The following TPM1 variants were observed in gnomAD, a reference collection of about 807,000 sequenced individuals.
The protein encoded by TPM1 is tropomyosin 1.
Under a neutral mutation model 42.9 loss-of-function variants are expected in TPM1, and 24 were observed. The observed-to-expected ratio is 0.56, with a 90% CI of 0.41 to 0.79. TPM1 has a LOEUF of 0.79. Ranked by LOEUF, TPM1 falls within the 30% of genes least tolerant of loss-of-function variation. The pLI is 0.00. For missense variants in TPM1, 158 were observed against 351.8 expected, an observed-to-expected ratio of 0.45 and a Z score of 4.41; for synonymous variants, 136 against 130.1, an observed-to-expected ratio of 1.05 and a Z score of -0.31.
chr15:63,051,909 T>C (rs2033949201), intron 2 of TPM1, among the ~76,000 whole-genome samples: 1 of 151,128 alleles, frequency 6.6e-6, no homozygotes, highest in Non-Finnish European at 1.5e-5. Context: ...TTTTTTTTTT[T>C]TCAAATCTGA....
intron 1 of TPM1, 26 bp downstream of exon 1, chr15:63,042,969 C>T: frequency 6.4e-7 from 1 of 1,567,082 alleles, no homozygotes. Context: ...GCCCTGCGCC[C>T]GCGCCCAGAG....
chr15:63,061,929 C>T (rs776467874), intron 6 of TPM1, 141 bp downstream of exon 6: 7 of 782,090 alleles, frequency 9.0e-6, no homozygotes, highest in Admixed American at 2.4e-5. Context: ...TACTAGATAA[C>T]AAATTCTTTT....
chr15:63,067,368 C>A (rs1358184935), downstream of TPM1, among the ~76,000 whole-genome samples: 1 of 152,166 alleles, frequency 6.6e-6, no homozygotes, highest in African/African-American at 2.4e-5. Flanking sequence ...TGATTTCATG[C>A]TTTTCTTTTC....
chr15:63,061,125 G>A (rs1007469655), intron 5 of TPM1, 186 bp downstream of exon 5: 33 of 1,502,724 alleles, frequency 2.2e-5, no homozygotes, highest in Middle Eastern at 1.7e-4. Context: ...GTATGAATGC[G>A]TGTATCACTG....
intron 8 of TPM1, 100 bp from the exon 9 acceptor site, chr15:63,063,964 C>T: frequency 6.6e-7 from 1 of 1,522,204 alleles, no homozygotes. Flanking sequence ...CCTTTTCTTG[C>T]TGCTGTGTTG....
intron 2 of TPM1, among the ~76,000 whole-genome samples, chr15:63,052,661 G>A (rs1238954555): frequency 1.3e-5 from 2 of 152,212 alleles, no homozygotes; most frequent in African/African-American, 2.4e-5. Context: ...ATAACAGATG[G>A]TCATGTGTCT....
chr15:63,056,957 T>C lies in TPM1; in HGVS notation c.241-28T>C, dbSNP rs776533150. On this transcript the variant is annotated intron_variant, in intron 2 of 9. Coordinates refer to ENST00000403994, the MANE Select transcript of TPM1 (RefSeq NM_001018005.2). ...CTACCACCCTCACTTTCTCCCCAAC[T>C]CTGAAATGCTTTTCACTCTCTACCT... 2.5e-6 allele frequency: 4 copies of C among 1,613,934 alleles called. No individual in the cohort carries two copies. In the South Asian group the frequency reaches 4.4e-5, roughly 18 times the overall value.
chr15:63,044,141 AAG>A lies in TPM1; in HGVS notation c.230_231del (p.Lys77SerfsTer5). On this transcript the variant is annotated frameshift_variant, in exon 2 of 10. Transcript: ENST00000403994. LOFTEE classifies it high-confidence loss of function. Reference protein sequence around the residue: ...AQEKLELAEKKATDAEADVAS... With the variant: ...AQEKLELAEKXATDAEADVAS... ...GGAGAAGCTGGAGCTGGCAGAGAAA[AAG>A]GCCACCGATGTAAGTGCACGCTCAC... 4 of 1,614,198 alleles carry A rather than the reference AAG, an allele frequency of 2.5e-6. No individual in the cohort carries two copies. Among genetic ancestry groups the A allele is most frequent in the Non-Finnish European group, 3.4e-6 (4 of 1,180,020 alleles).
chr15:63,043,391 A>G (rs572178451), intron 1 of TPM1: 2 of 599,262 alleles, frequency 3.3e-6, no homozygotes, highest in East Asian at 3.7e-5. Flanking sequence ...TTGTTACCTA[A>G]GAACAAAGAT....
At chr15:63,063,912 G>T (rs2035974173) in intron 8 of TPM1, 152 bp from the exon 9 acceptor site, 2 of 1,068,598 alleles carry the variant, frequency 1.9e-6, no homozygotes, top group East Asian at 5.3e-5. Flanking sequence ...CACGCCTCCT[G>T]CATTGGCCAC....
chr15:63,068,170 G>A (rs1049433558), downstream of TPM1, among the ~76,000 whole-genome samples: 1 of 152,190 alleles, frequency 6.6e-6, no homozygotes, highest in Non-Finnish European at 1.5e-5. Flanking sequence ...CATATGTCAC[G>A]TGCAAAACAC....
In TPM1 at chr15:63,062,287, G is replaced by A; in HGVS notation, c.702+10G>A. On this transcript the variant is annotated intron_variant, in intron 7 of 9. Transcript: ENST00000403994. ...CGACAAGCTGAAGGAGGTAATATGA[G>A]AGTTGTGGATGAAGCCAACTGGATT... is the stretch of plus-strand genomic sequence containing the variant. The A allele has an allele frequency of 1.2e-6, 2 of 1,613,728 alleles. No homozygotes were observed. Among genetic ancestry groups the A allele is most frequent in the Admixed American group, 1.7e-5 (1 of 60,026 alleles).
Position 63,052,062 on chromosome 15 carries a change from G to T in TPM1, c.241-4923G>T, listed in dbSNP as rs971983818. 2.6e-5 allele frequency among the ~76,000 whole-genome samples: 4 copies of T among 152,158 alleles called. No homozygotes were observed. In the East Asian group the frequency reaches 7.7e-4, roughly 29 times the overall value. On this transcript the variant is annotated intron_variant, in intron 2 of 9. Coordinates refer to ENST00000403994, the MANE Select transcript of TPM1 (RefSeq NM_001018005.2). ...CACCTCAAGTACAGAGCACCAGGAAGTTACTTAAAAACATCTGCAGGAGGA... is the reference window on the plus strand; with the variant it reads ...CACCTCAAGTACAGAGCACCAGGAATTTACTTAAAAACATCTGCAGGAGGA...
chr15:63,044,547 G>T, intron 2 of TPM1: 1 of 448,980 alleles, frequency 2.2e-6, no homozygotes, highest in Non-Finnish European at 4.0e-6. Context: ...TTTCCAGTGG[G>T]TGGGAAGTTC....
chr15:63,061,374 T>C lies in TPM1; in HGVS notation c.564-339T>C, dbSNP rs1216850924. The C allele has an allele frequency of 4.8e-6, 5 of 1,041,250 alleles. No homozygotes were observed. The African/African-American group carries it at 6.3e-5, about 13-fold the overall frequency. The allele number at this position is 1,041,250 out of a possible 1,614,324, so 64.5% of individuals were successfully genotyped here. ...TTTGGTATAACGACTGCACCTTCAC[T>C]TCACCCTCTGCTATTTATATCTTGC... is the stretch of plus-strand genomic sequence containing the variant. On this transcript the variant is annotated intron_variant, in intron 5 of 9. Transcript: ENST00000403994.
chr15:63,058,366 G>A (rs1434471940), intron 3 of TPM1, among the ~76,000 whole-genome samples: 2 of 152,150 alleles, frequency 1.3e-5, no homozygotes, highest in African/African-American at 4.8e-5. Flanking sequence ...TTGTGGCTAA[G>A]CCAAGACTCC....
chr15:63,061,890 G>A (rs1399475572), intron 6 of TPM1, 102 bp downstream of exon 6: 23 of 1,052,936 alleles, frequency 2.2e-5, no homozygotes, highest in Non-Finnish European at 2.9e-6. Context: ...TAGTAAAATG[G>A]CAATATTGTG....
chr15:63,050,849 T>C (rs909350120), intron 2 of TPM1, among the ~76,000 whole-genome samples: 3 of 152,236 alleles, frequency 2.0e-5, no homozygotes, highest in African/African-American at 7.2e-5. Flanking sequence ...ACAGTTTCTT[T>C]TGGCAGCAAA....
At chr15:63,069,014 G>C (rs1036474073), downstream of TPM1, among the ~76,000 whole-genome samples, 1 of 152,158 alleles carries the variant, frequency 6.6e-6, no homozygotes, top group African/African-American at 2.4e-5. Context: ...TTAGCCAGGC[G>C]TGGTGGCGGG....
Sources: allele counts gnomAD v4.1 joint callset (sites outside exome capture counted in the v4.1 genomes callset), GRCh38; gene constraint gnomAD v4.1.1; transcripts MANE v1.5; gene names NCBI Gene and HGNC (gene_info 2026-07-23, HGNC 2026-07-21).